The following NEK7 variants were observed in gnomAD, a reference collection of about 807,000 sequenced individuals.
The protein encoded by NEK7 is NIMA related kinase 7.
Under a neutral mutation model 44.6 loss-of-function variants are expected in NEK7, and 18 were observed. The observed-to-expected ratio is 0.40, with a 90% confidence interval of 0.28 to 0.60. The LOEUF (loss-of-function observed/expected upper bound fraction) is 0.60. NEK7 is among the 20% of genes least tolerant of loss of function. The probability of loss-of-function intolerance (pLI) is 0.38; values close to 1 mark genes in which losing one functional copy is unlikely to be tolerated. For missense variants in NEK7, 256 were observed against 366.5 expected (o/e 0.70, Z 2.46); for synonymous variants, 130 against 121.1 (o/e 1.07, Z -0.48).
Position 198,200,786 on chromosome 1 carries a change from G to C in NEK7, c.-28-31767G>C, listed in dbSNP as rs190866911. Among the ~76,000 whole-genome samples the C allele has an allele frequency of 2.0e-5, 3 of 152,178 alleles. No homozygotes were observed. In the East Asian group the frequency reaches 5.8e-4, roughly 29 times the overall value. ...GGCTGGTCTCAAACTCCTGACCCCA[G>C]ATGATCTGCCTGCCTCGGCCTCCCA... is the stretch of plus-strand genomic sequence containing the variant. On this transcript the variant is annotated intron_variant, in intron 1 of 9. Coordinates refer to ENST00000367385, the MANE Select transcript of NEK7 (RefSeq NM_133494.3).
intron 1 of NEK7, among the ~76,000 whole-genome samples, chr1:198,171,236 C>T (rs1202997354): frequency 6.6e-6 from 1 of 151,842 alleles, no homozygotes; most frequent in Non-Finnish European, 1.5e-5. Flanking sequence ...TTCTTTTTTT[C>T]CCTTCAGATT....
At chr1:198,262,549 T>C in intron 3 of NEK7, 26 bp from the exon 4 acceptor site, 1 of 1,439,208 alleles carries the variant, frequency 6.9e-7, no homozygotes, top group Non-Finnish European at 9.7e-7. Flanking sequence ...ATTATTTTAT[T>C]AAGTAATTCT....
chr1:198,199,104 CA>C (rs1665336631), intron 1 of NEK7, among the ~76,000 whole-genome samples: 1 of 152,168 alleles, frequency 6.6e-6, no homozygotes, highest in Non-Finnish European at 1.5e-5. Context: ...CTGAATTCTC[CA>C]GGAAAGATTC....
intron 1 of NEK7, among the ~76,000 whole-genome samples, chr1:198,199,974 C>T (rs1665375467): frequency 6.6e-6 from 1 of 152,098 alleles, no homozygotes; most frequent in Non-Finnish European, 1.5e-5. Context: ...GTTCCAACTG[C>T]TCTTTGTCCT....
intron 1 of NEK7, among the ~76,000 whole-genome samples, chr1:198,191,578 T>C (rs995616170): frequency 1.3e-5 from 2 of 152,060 alleles, no homozygotes; most frequent in African/African-American, 4.8e-5. Context: ...GTGACTTTTC[T>C]TTGTACTTTT....
intron 1 of NEK7, among the ~76,000 whole-genome samples, chr1:198,160,936 A>G (rs1012050689): frequency 6.6e-6 from 1 of 152,204 alleles, no homozygotes; most frequent in Non-Finnish European, 1.5e-5. Flanking sequence ...AGTATATTTC[A>G]TGCTTTTCAG....
At chr1:198,248,116 TC>T (rs1236020882) in intron 2 of NEK7, among the ~76,000 whole-genome samples, 2 of 152,080 alleles carry the variant, frequency 1.3e-5, no homozygotes, top group Non-Finnish European at 2.9e-5. Flanking sequence ...AGTGTGCTCA[TC>T]AGTACTCCAG....
At chr1:198,200,206 CTATTT>C (rs751189799) in intron 1 of NEK7, among the ~76,000 whole-genome samples, 20 of 152,118 alleles carry the variant, frequency 1.3e-4, no homozygotes, top group Non-Finnish European at 2.4e-4. Flanking sequence ...GAGAAATTCT[CTATTT>C]TAGTCTAATT....
chr1:198,315,084 A>C (rs1045423772), intron 9 of NEK7, among the ~76,000 whole-genome samples: 2 of 152,132 alleles, frequency 1.3e-5, no homozygotes, highest in African/African-American at 2.4e-5. Flanking sequence ...GCAATCAGGG[A>C]GACTCCATGG....
intron 5 of NEK7, among the ~76,000 whole-genome samples, chr1:198,268,542 C>T (rs557049936): frequency 6.6e-6 from 1 of 152,080 alleles, no homozygotes; most frequent in Non-Finnish European, 1.5e-5. Context: ...CTTTTTGTCT[C>T]CCAACATCCA....
intron 1 of NEK7, 63 bp from the exon 2 acceptor site, chr1:198,232,490 A>G: frequency 1.3e-6 from 1 of 770,626 alleles, no homozygotes; most frequent in Non-Finnish European, 2.3e-6. Flanking sequence ...GTGTCGGTGT[A>G]TGATGAATGA....
At chr1:198,159,599 TTATTTC>T (rs764924700) in intron 1 of NEK7, among the ~76,000 whole-genome samples, 2 of 152,224 alleles carry the variant, frequency 1.3e-5, no homozygotes, top group Non-Finnish European at 2.9e-5. Flanking sequence ...AAGACTAACT[TTATTTC>T]TAAGCGTACA....
chr1:198,251,744 C>T lies in NEK7; in HGVS notation c.58-1296C>T, dbSNP rs546167841. Among the ~76,000 whole-genome samples the T allele has an allele frequency of 5.5e-3, 826 of 151,218 alleles. 8 individuals are homozygous for T. The highest frequency in any genetic ancestry group is 0.019 in the African/African-American group (785 of 41,186). On this transcript the variant is annotated intron_variant, in intron 2 of 9. Transcript: ENST00000367385. ...ATATCCCCTTTATCATTTTTTATTG[C>T]GTCTATTTGATTCTTCTCTCTTTTC...
In NEK7 at chr1:198,315,413, G is replaced by A. The variant is rs529647255; in HGVS notation, c.799-3999G>A. On this transcript the variant is annotated intron_variant, in intron 9 of 9. Coordinates refer to ENST00000367385, the MANE Select transcript of NEK7 (RefSeq NM_133494.3). Reference sequence around the variant, plus strand: ...CCCGTCTTCTGCGTCGCTTACGCTGGGAGCTGTAGACTGGAGCTGTTCCTA... The same window carrying A: ...CCCGTCTTCTGCGTCGCTTACGCTGAGAGCTGTAGACTGGAGCTGTTCCTA... 1.4e-3 allele frequency among the ~76,000 whole-genome samples: 215 copies of A among 152,338 alleles called. 1 individual carries two copies. The highest frequency in any genetic ancestry group is 2.4e-3 in the Non-Finnish European group (166 of 68,032).
chr1:198,172,076 G>T (rs973225366), intron 1 of NEK7, among the ~76,000 whole-genome samples: 3 of 152,158 alleles, frequency 2.0e-5, no homozygotes, highest in Admixed American at 6.5e-5. Flanking sequence ...CAGCTCTGTG[G>T]TAGACATATC....
intron 9 of NEK7, among the ~76,000 whole-genome samples, chr1:198,318,418 T>C (rs897835428): frequency 6.6e-6 from 1 of 152,210 alleles, no homozygotes; most frequent in Non-Finnish European, 1.5e-5. Flanking sequence ...CAGCCCAAGC[T>C]TTTTAATCAT....
At chr1:198,169,874 G>T (rs1264174548) in intron 1 of NEK7, among the ~76,000 whole-genome samples, 2 of 152,200 alleles carry the variant, frequency 1.3e-5, no homozygotes, top group Non-Finnish European at 2.9e-5. Context: ...GTCCTGTACA[G>T]ATCTGTGTTT....
chr1:198,319,440 A>T lies in NEK7; in HGVS notation c.827A>T (p.Asn276Ile). The change falls in exon 10 of 10, where the codon AAC becomes ATC. Residue 276 changes from asparagine (N) to isoleucine (I), a missense_variant. Transcript: ENST00000367385. ...ELRQLVNMCI[N>I]PDPEKRPDVT... The stretch of plus-strand genomic sequence containing the variant: ...CGACAGTTAGTTAATATGTGCATCA[A>T]CCCAGATCCAGAGAAGCGACCAGAC... The T allele has an allele frequency of 6.2e-7, 1 of 1,613,002 alleles. No homozygotes were observed. The highest frequency in any genetic ancestry group is 8.5e-7 in the Non-Finnish European group (1 of 1,179,246).
At chr1:198,231,114 A>G (rs1211904780) in intron 1 of NEK7, among the ~76,000 whole-genome samples, 1 of 151,304 alleles carries the variant, frequency 6.6e-6, no homozygotes, top group Non-Finnish European at 1.5e-5. Context: ...AGACTTTATA[A>G]TAAGCTATAG....
Sources: gnomAD v4.1 joint callset for allele counts (sites outside exome capture counted in the v4.1 genomes callset) on GRCh38, gnomAD v4.1.1 for gene constraint, MANE v1.5 for transcripts, NCBI Gene and HGNC (gene_info 2026-07-23, HGNC 2026-07-21) for gene names.